Variants in AOPEP observed in about 807,000 individuals in gnomAD.
AOPEP encodes aminopeptidase O (putative).
Under a neutral mutation model 98.1 loss-of-function variants are expected in AOPEP, and 77 were observed. That is an observed-to-expected ratio of 0.78 (90% CI 0.65 to 0.95). AOPEP has a LOEUF of 0.95. Ranked by LOEUF, AOPEP falls within the 40% of genes least tolerant of loss-of-function variation. AOPEP has a pLI of 0.00. For synonymous variants in AOPEP, 346 were observed against 365.3 expected, an observed-to-expected ratio of 0.95 and a Z score of 0.60; for missense variants, 1,024 against 1,024.7, an observed-to-expected ratio of 1.00 and a Z score of 0.01.
chr9:95,054,352 G>A (rs1169429670), intron 13 of AOPEP, among the ~76,000 whole-genome samples: 1 of 152,192 alleles, frequency 6.6e-6, no homozygotes, highest in Non-Finnish European at 1.5e-5. Flanking sequence ...TTCAATTTGA[G>A]TGTTTATGAT....
At chr9:94,844,676 C>T (rs981089128) in intron 5 of AOPEP, among the ~76,000 whole-genome samples, 1 of 152,202 alleles carries the variant, frequency 6.6e-6, no homozygotes, top group Non-Finnish European at 1.5e-5. Context: ...TTTAAATCCA[C>T]AGACACATAT....
intron 5 of AOPEP, among the ~76,000 whole-genome samples, chr9:94,863,662 C>T (rs2045366397): frequency 6.6e-6 from 1 of 151,806 alleles, no homozygotes; most frequent in South Asian, 2.1e-4. Flanking sequence ...GTGATCCACC[C>T]GCCTCGGCCT....
intron 13 of AOPEP, among the ~76,000 whole-genome samples, chr9:95,009,930 T>C (rs1301604368): frequency 6.6e-6 from 1 of 152,072 alleles, no homozygotes; most frequent in Admixed American, 6.6e-5. Flanking sequence ...TTTCCAAGTC[T>C]TTTAAGTGAA....
chr9:95,029,554 CAGAATTTG>C (rs1389234722), intron 13 of AOPEP, among the ~76,000 whole-genome samples: 8 of 152,194 alleles, frequency 5.3e-5, no homozygotes, highest in African/African-American at 1.9e-4. Flanking sequence ...CCTTCACCCC[CAGAATTTG>C]AGAGACGCCA....
chr9:95,063,160 G>GTCTT (rs2067482279), intron 14 of AOPEP, among the ~76,000 whole-genome samples: 1 of 152,224 alleles, frequency 6.6e-6, no homozygotes, highest in African/African-American at 2.4e-5. Context: ...GAAGCACCTT[G>GTCTT]TCTTTCTGCA....
intron 7 of AOPEP, among the ~76,000 whole-genome samples, chr9:94,939,935 C>A (rs1219013057): frequency 6.6e-6 from 1 of 152,120 alleles, no homozygotes; most frequent in African/African-American, 2.4e-5. Context: ...GCATGGAGAA[C>A]CTGAGGATTG....
chr9:95,005,280 C>G (rs2061906777), intron 12 of AOPEP, 60 bp downstream of exon 12: 1 of 894,684 alleles, frequency 1.1e-6, no homozygotes, highest in Non-Finnish European at 1.4e-6. Context: ...CCGCGGCTGG[C>G]GAGAGGCCCT....
chr9:94,755,656 G>A (rs1836856723), intron 1 of AOPEP, among the ~76,000 whole-genome samples: 1 of 152,174 alleles, frequency 6.6e-6, no homozygotes, highest in Non-Finnish European at 1.5e-5. Flanking sequence ...GTCAAAGGAA[G>A]ATGTGGAAAA....
chr9:94,978,572 C>A (rs1035889557), intron 10 of AOPEP, among the ~76,000 whole-genome samples: 36 of 152,076 alleles, frequency 2.4e-4, no homozygotes, highest in Non-Finnish European at 5.3e-4. Flanking sequence ...TTGCTTCAGT[C>A]TGGGAGGAGG....
At chr9:94,946,949 A>G (rs908994343) in intron 7 of AOPEP, among the ~76,000 whole-genome samples, 8 of 151,350 alleles carry the variant, frequency 5.3e-5, no homozygotes, top group Non-Finnish European at 1.0e-4. Context: ...ACTCAGATAT[A>G]TATATATACC....
chr9:95,107,102 A>C, the AOPEP span: 1 of 1,614,226 alleles, frequency 6.2e-7, no homozygotes, highest in Non-Finnish European at 8.5e-7. Context: ...TGTGGCCTCC[A>C]GGAGCCCAGA....
chr9:95,073,565 A>G (rs2068726544), intron 14 of AOPEP, among the ~76,000 whole-genome samples: 1 of 152,138 alleles, frequency 6.6e-6, no homozygotes, highest in Admixed American at 6.5e-5. Flanking sequence ...TCACACCTGT[A>G]ATCCCAGCAG....
chr9:94,833,526 C>T (rs867335777), intron 5 of AOPEP, among the ~76,000 whole-genome samples: 3 of 152,022 alleles, frequency 2.0e-5, no homozygotes, highest in Non-Finnish European at 4.4e-5. Context: ...TGTGAGCCAC[C>T]GCGCCTGGCT....
chr9:94,743,114 C>T (rs961018198), intron 1 of AOPEP, among the ~76,000 whole-genome samples: 1 of 151,422 alleles, frequency 6.6e-6, no homozygotes. Flanking sequence ...GTGGAGTAGC[C>T]ATTCCTTTAT....
chr9:94,809,097 C>T (rs1319920514), intron 5 of AOPEP, among the ~76,000 whole-genome samples: 2 of 152,084 alleles, frequency 1.3e-5, no homozygotes, highest in Non-Finnish European at 2.9e-5. Context: ...GATGCTGTGG[C>T]CATGAGGAAG....
intron 13 of AOPEP, among the ~76,000 whole-genome samples, chr9:95,035,693 T>G (rs886524837): frequency 2.6e-5 from 4 of 151,180 alleles, no homozygotes; most frequent in Non-Finnish European, 5.9e-5. Flanking sequence ...TAATTTTGTA[T>G]TTTTTTTAGT....
intron 9 of AOPEP, among the ~76,000 whole-genome samples, chr9:94,965,683 C>A (rs1022953237): frequency 3.3e-5 from 5 of 152,094 alleles, no homozygotes; most frequent in Admixed American, 6.5e-5. Flanking sequence ...AGGCCTCAGT[C>A]TGCAGTTAAA....
At chr9:95,036,087 T>G (rs1444708854) in intron 13 of AOPEP, among the ~76,000 whole-genome samples, 1 of 152,158 alleles carries the variant, frequency 6.6e-6, no homozygotes, top group African/African-American at 2.4e-5. Flanking sequence ...ATTTTTGCTG[T>G]CTAGTGATTT....
chr9:94,931,995 A>C, intron 7 of AOPEP: 1 of 1,200,074 alleles, frequency 8.3e-7, no homozygotes, highest in Non-Finnish European at 1.1e-6. Context: ...ACCAAGGCTC[A>C]GAAAGACTGA....
Sources: gnomAD v4.1 joint callset for allele counts (sites outside exome capture counted in the v4.1 genomes callset) on GRCh38, gnomAD v4.1.1 for gene constraint, MANE v1.5 for transcripts, NCBI Gene and HGNC (gene_info 2026-07-23, HGNC 2026-07-21) for gene names.